TSHZ2: variants seen among roughly 807,000 people sequenced by gnomAD.
TSHZ2 encodes the protein teashirt zinc finger homeobox 2.
A neutral mutation model predicts 74.4 loss-of-function variants in TSHZ2; 21 were observed. That is an observed-to-expected ratio of 0.28 (90% CI 0.20 to 0.41). The LOEUF is 0.41. Among genes scored for constraint, TSHZ2 ranks in the 10% least tolerant of loss-of-function variants. The pLI is 1.00. For synonymous variants in TSHZ2, 540 were observed against 515.3 expected, an observed-to-expected ratio of 1.05 and a Z score of -0.65; for missense variants, 1,244 against 1,293.5, an observed-to-expected ratio of 0.96 and a Z score of 0.59.
At chr20:53,469,060 T>C (rs1252764936) in intron 2 of TSHZ2, among the ~76,000 whole-genome samples, 1 of 120,350 alleles carries the variant, frequency 8.3e-6, no homozygotes, top group African/African-American at 3.2e-5. Context: ...TATATATATA[T>C]ATATATATAT....
intron 2 of TSHZ2, among the ~76,000 whole-genome samples, chr20:53,435,707 G>T (rs1409722342): frequency 1.3e-5 from 2 of 152,170 alleles, no homozygotes; most frequent in Non-Finnish European, 2.9e-5. Context: ...TAGAGACGTG[G>T]ATTCACCATA....
intron 1 of TSHZ2, among the ~76,000 whole-genome samples, chr20:53,241,303 T>C (rs1229905957): frequency 1.3e-5 from 2 of 152,122 alleles, no homozygotes; most frequent in Non-Finnish European, 2.9e-5. Context: ...TAACTATGTG[T>C]TGTGGGTTTG....
At chr20:53,259,994 C>T (rs1990568545) in intron 2 of TSHZ2, among the ~76,000 whole-genome samples, 1 of 151,976 alleles carries the variant, frequency 6.6e-6, no homozygotes, top group Non-Finnish European at 1.5e-5. Context: ...AATATTCCTT[C>T]CTTTCATCCT....
intron 1 of TSHZ2, among the ~76,000 whole-genome samples, chr20:53,042,168 TCTG>T (rs1984063746): frequency 6.6e-6 from 1 of 152,244 alleles, no homozygotes; most frequent in African/African-American, 2.4e-5. Context: ...TATTTATCCC[TCTG>T]CTGGATTCAT....
chr20:53,475,183 AC>A (rs1985955769), intron 2 of TSHZ2, among the ~76,000 whole-genome samples: 1 of 139,678 alleles, frequency 7.2e-6, no homozygotes, highest in Non-Finnish European at 1.5e-5. Flanking sequence ...ATAACTCTCC[AC>A]CCCAAATCAA....
intron 1 of TSHZ2, among the ~76,000 whole-genome samples, chr20:53,251,029 C>T (rs1284900303): frequency 2.0e-5 from 3 of 152,088 alleles, no homozygotes; most frequent in African/African-American, 7.2e-5. Context: ...AGATGTCAGG[C>T]ACGGTGCTAG....
chr20:53,154,105 C>T (rs759936363), intron 1 of TSHZ2, among the ~76,000 whole-genome samples: 3 of 152,210 alleles, frequency 2.0e-5, no homozygotes, highest in Non-Finnish European at 4.4e-5. Context: ...GACAGAGCTT[C>T]GCAGTCACAT....
At chr20:53,179,344 A>G (rs561660053) in intron 1 of TSHZ2, 1 of 152,334 alleles carries the variant, frequency 6.6e-6, no homozygotes, top group African/African-American at 2.4e-5. Context: ...TGTGGAAAAC[A>G]TTTAGAAATA....
intron 2 of TSHZ2, among the ~76,000 whole-genome samples, chr20:53,377,035 C>T (rs156618): frequency 0.81 from 122,569 of 152,210 alleles, 49,820 homozygotes; most frequent in African/African-American, 0.93. Context: ...GTGTGCCTCA[C>T]AGAATCGTGG....
intron 1 of TSHZ2, among the ~76,000 whole-genome samples, chr20:53,052,319 T>C (rs138753067): frequency 1.5e-3 from 225 of 152,254 alleles, no homozygotes; most frequent in Non-Finnish European, 2.5e-3. Context: ...CTTTGCCCAT[T>C]AGGAGCCAGG....
chr20:53,095,112 G>T (rs1986000805), intron 1 of TSHZ2, among the ~76,000 whole-genome samples: 1 of 152,154 alleles, frequency 6.6e-6, no homozygotes. Context: ...AAAAGTCTAG[G>T]ACAAGCTGGC....
intron 2 of TSHZ2, among the ~76,000 whole-genome samples, chr20:53,362,434 T>G (rs2145606734): frequency 6.6e-6 from 1 of 152,076 alleles, no homozygotes; most frequent in Admixed American, 6.5e-5. Flanking sequence ...TCTGCCCACC[T>G]CGGCCTCCCA....
At chr20:53,388,865 G>A (rs900788228) in intron 2 of TSHZ2, among the ~76,000 whole-genome samples, 4 of 152,176 alleles carry the variant, frequency 2.6e-5, no homozygotes, top group African/African-American at 9.7e-5. Flanking sequence ...TTACAGGCAT[G>A]AGCCACCACA....
intron 1 of TSHZ2, among the ~76,000 whole-genome samples, chr20:53,081,637 T>G (rs1457475426): frequency 6.6e-6 from 1 of 152,214 alleles, no homozygotes; most frequent in African/African-American, 2.4e-5. Context: ...CGGCTCTTTA[T>G]TAAGGTAAAA....
At chr20:53,148,175 G>A (rs1004041744) in intron 1 of TSHZ2, among the ~76,000 whole-genome samples, 2 of 152,040 alleles carry the variant, frequency 1.3e-5, no homozygotes, top group Non-Finnish European at 2.9e-5. Context: ...AATTATCTAC[G>A]AACTTCAATT....
At chr20:53,293,718 A>G (rs1393553736) in intron 2 of TSHZ2, among the ~76,000 whole-genome samples, 1 of 141,838 alleles carries the variant, frequency 7.1e-6, no homozygotes, top group Non-Finnish European at 1.5e-5. Flanking sequence ...AAAAAAAAAA[A>G]GAAAAGAAAC....
chr20:53,126,320 C>T (rs1439922927), intron 1 of TSHZ2, among the ~76,000 whole-genome samples: 5 of 152,308 alleles, frequency 3.3e-5, no homozygotes, highest in Middle Eastern at 3.4e-3. Context: ...TTAGGGACTG[C>T]CTTGTCCCGT....
intron 2 of TSHZ2, among the ~76,000 whole-genome samples, chr20:53,310,607 C>T (rs575416616): frequency 8.6e-4 from 131 of 152,218 alleles, no homozygotes; most frequent in Middle Eastern, 3.4e-3. Context: ...TCTCACACAT[C>T]GATGGTAAAA....
At chr20:53,316,641 T>C (rs1979035460) in intron 2 of TSHZ2, among the ~76,000 whole-genome samples, 1 of 152,208 alleles carries the variant, frequency 6.6e-6, no homozygotes, top group African/African-American at 2.4e-5. Flanking sequence ...TCTAGGTTTT[T>C]TGTGAAATAT....
Sources: allele counts gnomAD v4.1 joint callset (sites outside exome capture counted in the v4.1 genomes callset), GRCh38; gene constraint gnomAD v4.1.1; transcripts MANE v1.5; gene names NCBI Gene and HGNC (gene_info 2026-07-23, HGNC 2026-07-21).